RPS6KA5: variants seen among roughly 807,000 people sequenced by gnomAD.
RPS6KA5 encodes the protein ribosomal protein S6 kinase alpha-5.
RPS6KA5 carries 27 observed loss-of-function variants against 85.5 expected under a neutral mutation model. That is an observed-to-expected ratio of 0.32 (90% CI 0.23 to 0.44). The LOEUF is 0.44. RPS6KA5 is among the 20% of genes least tolerant of loss of function. RPS6KA5 has a pLI of 1.00. For missense variants in RPS6KA5, 811 were observed against 980.9 expected, an observed-to-expected ratio of 0.83 and a Z score of 2.31; for synonymous variants, 334 against 348.2, an observed-to-expected ratio of 0.96 and a Z score of 0.46.
At chr14:91,025,839 A>G (rs1162450490) in intron 1 of RPS6KA5, among the ~76,000 whole-genome samples, 1 of 151,318 alleles carries the variant, frequency 6.6e-6, no homozygotes, top group Non-Finnish European at 1.5e-5. Context: ...ATGAATTTAT[A>G]TAATGTGAAA....
intron 1 of RPS6KA5, among the ~76,000 whole-genome samples, chr14:91,006,284 C>A (rs998497361): frequency 6.6e-6 from 1 of 152,158 alleles, no homozygotes; most frequent in Non-Finnish European, 1.5e-5. Context: ...TTGCACTTCT[C>A]CCTTCAACAT....
chr14:90,925,716 A>G (rs1309090987), intron 5 of RPS6KA5, among the ~76,000 whole-genome samples: 1 of 151,990 alleles, frequency 6.6e-6, no homozygotes, highest in Non-Finnish European at 1.5e-5. Flanking sequence ...TGTAAAAGAT[A>G]AAAGACATAA....
At chr14:90,990,017 G>T (rs190393313) in intron 2 of RPS6KA5, among the ~76,000 whole-genome samples, 114 of 152,210 alleles carry the variant, frequency 7.5e-4, no homozygotes, top group East Asian at 1.5e-3. Context: ...ACAATTCAGA[G>T]AATAAAGCAA....
At chr14:91,014,578 G>C (rs2041403590) in intron 1 of RPS6KA5, among the ~76,000 whole-genome samples, 1 of 151,232 alleles carries the variant, frequency 6.6e-6, no homozygotes, top group Admixed American at 6.6e-5. Context: ...TTTTCTTAAT[G>C]TTTATTTGGT....
chr14:90,900,289 A>T (rs545524863), intron 10 of RPS6KA5, 48 bp from the exon 11 acceptor site: 1 of 1,371,804 alleles, frequency 7.3e-7, no homozygotes, highest in South Asian at 1.6e-5. Flanking sequence ...TCAGTAATAC[A>T]CAAAGGATCA....
At chr14:90,948,871 T>C (rs947448900) in intron 3 of RPS6KA5, among the ~76,000 whole-genome samples, 7 of 152,166 alleles carry the variant, frequency 4.6e-5, no homozygotes, top group Non-Finnish European at 7.4e-5. Context: ...TTCACTTGAG[T>C]TTACCACAAT....
rs115174182 is a variant in RPS6KA5, at chr14:90,999,781, C to T, written c.175+1307G>A. ...ACCAAACATGGGGCTCTTCTACATG[C>T]AGGGATCTCTACAACTGCATAGGTC... is the stretch of plus-strand genomic sequence containing the variant. On this transcript the variant is annotated intron_variant, in intron 2 of 16. Coordinates refer to ENST00000614987, the MANE Select transcript of RPS6KA5 (RefSeq NM_004755.4). Among the ~76,000 whole-genome samples the T allele has an allele frequency of 7.6e-3, 1,155 of 152,282 alleles. 10 individuals are homozygous for T. The highest frequency in any genetic ancestry group is 0.027 in the Middle Eastern group (8 of 294).
intron 5 of RPS6KA5, among the ~76,000 whole-genome samples, chr14:90,926,247 A>T (rs1327414261): frequency 6.6e-6 from 1 of 151,620 alleles, no homozygotes; most frequent in African/African-American, 2.4e-5. Flanking sequence ...CTCTACTAAA[A>T]ATGCATGGTG....
intron 1 of RPS6KA5, chr14:91,060,092 C>A: frequency 1.0e-6 from 1 of 985,390 alleles, no homozygotes; most frequent in Non-Finnish European, 1.2e-6. Flanking sequence ...GCGCTGGCCC[C>A]GATGCCTGGT....
In RPS6KA5 at chr14:90,900,091, A is replaced by T. The variant is rs749919657; in HGVS notation, c.1379+17T>A. 2.0e-5 allele frequency: 32 copies of T among 1,567,014 alleles called. No individual in the cohort carries two copies. In the Admixed American group the frequency reaches 5.2e-4, roughly 26 times the overall value. ...ATGAATACCTAAGAAAGAATATTAT[A>T]TTAAAAATGGTCATACCTTTTGCTG... On this transcript the variant is annotated intron_variant, in intron 11 of 16. Coordinates refer to ENST00000614987, the MANE Select transcript of RPS6KA5 (RefSeq NM_004755.4).
At chr14:90,925,144 T>G (rs1214403149) in intron 5 of RPS6KA5, among the ~76,000 whole-genome samples, 2 of 151,818 alleles carry the variant, frequency 1.3e-5, no homozygotes, top group Non-Finnish European at 2.9e-5. Flanking sequence ...AGGAAGTGAG[T>G]ACAGAAAACC....
At chr14:91,050,721 G>A (rs900903830) in intron 1 of RPS6KA5, among the ~76,000 whole-genome samples, 2 of 152,036 alleles carry the variant, frequency 1.3e-5, no homozygotes, top group African/African-American at 4.8e-5. Flanking sequence ...GAGCCACCGC[G>A]CCCAGCCGGC....
chr14:90,994,089 C>T (rs2040415383), intron 2 of RPS6KA5, among the ~76,000 whole-genome samples: 1 of 152,070 alleles, frequency 6.6e-6, no homozygotes, highest in Non-Finnish European at 1.5e-5. Context: ...GGCAGGGTCT[C>T]ACTATGTTGC....
intron 2 of RPS6KA5, among the ~76,000 whole-genome samples, chr14:90,998,829 T>G (rs1449835295): frequency 6.6e-6 from 1 of 152,162 alleles, no homozygotes; most frequent in African/African-American, 2.4e-5. Flanking sequence ...TGGGCCTATA[T>G]GGCATGCTAA....
At chr14:90,906,341 C>CAA (rs60178849) in intron 7 of RPS6KA5, 42 bp from the exon 8 acceptor site, 1,393 of 1,158,004 alleles carry the variant, frequency 1.2e-3, no homozygotes, top group Non-Finnish European at 1.3e-3. Flanking sequence ...AACAGGATGA[C>CAA]AAAAAAAAAA....
At chr14:91,024,117 T>A (rs2041901473) in intron 1 of RPS6KA5, among the ~76,000 whole-genome samples, 2 of 152,242 alleles carry the variant, frequency 1.3e-5, no homozygotes, top group Admixed American at 1.3e-4. Context: ...CTGCTTTTCT[T>A]CAATGCCCTT....
chr14:90,975,134 C>T (rs1252852502), intron 3 of RPS6KA5, among the ~76,000 whole-genome samples: 1 of 151,862 alleles, frequency 6.6e-6, no homozygotes, highest in African/African-American at 2.4e-5. Context: ...CCTGTATTTT[C>T]TGTATGCATA....
rs79758817 is a variant in RPS6KA5, at chr14:90,947,429, T to C, written c.510+6A>G. Reference sequence around the variant, plus strand: ...GAAAAGAAACCTGAAAAATGAAGAGTCTTACCTTGTGGAGATGTTCGAGGG... The same window carrying C: ...GAAAAGAAACCTGAAAAATGAAGAGCCTTACCTTGTGGAGATGTTCGAGGG... On this transcript the variant is annotated splice_donor_region_variant and intron_variant, in intron 4 of 16. Coordinates refer to ENST00000614987, the MANE Select transcript of RPS6KA5 (RefSeq NM_004755.4). 2.6e-3 allele frequency: 3,966 copies of C among 1,533,014 alleles called. 108 individuals are homozygous for C. In the African/African-American group the frequency reaches 0.048, roughly 18 times the overall value. The allele number at this position is 1,533,014 out of a possible 1,614,324, so 95.0% of individuals were successfully genotyped here.
intron 14 of RPS6KA5, among the ~76,000 whole-genome samples, chr14:90,888,423 A>G (rs1228455561): frequency 6.6e-6 from 1 of 152,186 alleles, no homozygotes; most frequent in African/African-American, 2.4e-5. Flanking sequence ...TGCTACTAAT[A>G]AAAATGTCTT....
Sources: gnomAD v4.1 joint callset for allele counts (sites outside exome capture counted in the v4.1 genomes callset) on GRCh38, gnomAD v4.1.1 for gene constraint, MANE v1.5 for transcripts, NCBI Gene and HGNC (gene_info 2026-07-23, HGNC 2026-07-21) for gene names.